DNM3: variants seen among roughly 807,000 people sequenced by gnomAD.
The protein encoded by DNM3 is dynamin 3.
DNM3 carries 47 observed loss-of-function variants against 101.6 expected under a neutral mutation model. That is an observed-to-expected ratio of 0.46 (90% CI 0.37 to 0.59). The LOEUF (loss-of-function observed/expected upper bound fraction) is 0.59. DNM3 is among the 20% of genes least tolerant of loss of function. DNM3 has a pLI of 0.00. For synonymous variants in DNM3, 385 were observed against 387.9 expected (o/e 0.99, Z 0.09); for missense variants, 849 against 1,085.7 (o/e 0.78, Z 3.06).
chr1:171,936,975 T>C (rs1159735522), intron 2 of DNM3, among the ~76,000 whole-genome samples: 2 of 152,186 alleles, frequency 1.3e-5, no homozygotes, highest in Non-Finnish European at 2.9e-5. Flanking sequence ...AGAGATGGAT[T>C]CCTACAACAA....
chr1:172,214,027 T>C (rs2060606752), intron 14 of DNM3, among the ~76,000 whole-genome samples: 1 of 152,144 alleles, frequency 6.6e-6, no homozygotes, highest in Non-Finnish European at 1.5e-5. Context: ...CCTTCCTTCA[T>C]ACTGTGTAAC....
intron 14 of DNM3, among the ~76,000 whole-genome samples, chr1:172,145,431 C>T (rs554385458): frequency 5.6e-4 from 84 of 150,626 alleles, no homozygotes; most frequent in African/African-American, 1.9e-3. Context: ...TCTCTCTCTC[C>T]CTCCTTCTCC....
chr1:171,989,401 A>T (rs1416687267), intron 4 of DNM3, among the ~76,000 whole-genome samples: 1 of 152,000 alleles, frequency 6.6e-6, no homozygotes, highest in South Asian at 2.1e-4. Flanking sequence ...GAATAATGAG[A>T]TCTAAGAAAA....
intron 1 of DNM3, among the ~76,000 whole-genome samples, chr1:171,913,068 T>C (rs1394102552): frequency 6.6e-6 from 1 of 152,248 alleles, no homozygotes; most frequent in Non-Finnish European, 1.5e-5. Context: ...GCATGTTTCC[T>C]GGTGGGGAGA....
intron 2 of DNM3, among the ~76,000 whole-genome samples, chr1:171,943,568 C>T (rs1014431795): frequency 2.0e-5 from 3 of 152,222 alleles, no homozygotes; most frequent in Non-Finnish European, 4.4e-5. Context: ...TAGACAATAA[C>T]TTAACTCTTT....
At chr1:172,406,455 C>T (rs1345859669) in intron 20 of DNM3, among the ~76,000 whole-genome samples, 1 of 151,958 alleles carries the variant, frequency 6.6e-6, no homozygotes, top group African/African-American at 2.4e-5. Flanking sequence ...TACCATGGCT[C>T]ACACCTGTAA....
chr1:172,159,390 A>G (rs1315839268), intron 14 of DNM3, among the ~76,000 whole-genome samples: 2 of 152,064 alleles, frequency 1.3e-5, no homozygotes, highest in African/African-American at 4.8e-5. Context: ...ATTGTCCAAG[A>G]CTGCCGTGGT....
intron 14 of DNM3, among the ~76,000 whole-genome samples, chr1:172,193,652 G>T (rs1018560603): frequency 6.6e-5 from 10 of 152,064 alleles, no homozygotes; most frequent in Admixed American, 4.6e-4. Context: ...TTGCGTAGAG[G>T]TGTTTATGGT....
At chr1:172,315,046 C>A (rs1014309239) in intron 16 of DNM3, among the ~76,000 whole-genome samples, 2 of 152,148 alleles carry the variant, frequency 1.3e-5, no homozygotes, top group African/African-American at 4.8e-5. Flanking sequence ...GACAAAACTT[C>A]CAGAGGAACA....
At chr1:171,952,454 G>A (rs2042590419) in intron 2 of DNM3, among the ~76,000 whole-genome samples, 1 of 152,116 alleles carries the variant, frequency 6.6e-6, no homozygotes, top group South Asian at 2.1e-4. Context: ...TAATGGTAAT[G>A]CTGGTCAGTC....
At chr1:171,860,093 T>C (rs2125038349) in intron 1 of DNM3, among the ~76,000 whole-genome samples, 1 of 152,264 alleles carries the variant, frequency 6.6e-6, no homozygotes, top group East Asian at 1.9e-4. Flanking sequence ...TCAGGTTAGT[T>C]ATGTAATCTG....
At chr1:172,374,914 T>C (rs1327595748) in intron 17 of DNM3, among the ~76,000 whole-genome samples, 1 of 152,088 alleles carries the variant, frequency 6.6e-6, no homozygotes, top group Admixed American at 6.6e-5. Flanking sequence ...GCGTAGACCT[T>C]ATAATCCCTT....
intron 14 of DNM3, among the ~76,000 whole-genome samples, chr1:172,229,473 A>G (rs1423332576): frequency 2.6e-5 from 4 of 152,184 alleles, no homozygotes; most frequent in Non-Finnish European, 5.9e-5. Flanking sequence ...GCACACTCAG[A>G]CAGACACATG....
At chr1:172,226,907 T>C (rs1485496930) in intron 14 of DNM3, among the ~76,000 whole-genome samples, 1 of 152,118 alleles carries the variant, frequency 6.6e-6, no homozygotes. Flanking sequence ...TTAAATTTTT[T>C]AATTTTTTTA....
chr1:172,277,891 T>A (rs2063347717), intron 15 of DNM3, among the ~76,000 whole-genome samples: 1 of 152,078 alleles, frequency 6.6e-6, no homozygotes, highest in South Asian at 2.1e-4. Context: ...ATATTCCTAA[T>A]AGATTACATT....
intron 20 of DNM3, among the ~76,000 whole-genome samples, chr1:172,392,336 T>G (rs758034981): frequency 2.6e-5 from 4 of 152,208 alleles, no homozygotes; most frequent in Non-Finnish European, 4.4e-5. Context: ...CATTTTCTAT[T>G]GCCAGAATAT....
chr1:172,008,132 A>ATT (rs34083893), intron 4 of DNM3, among the ~76,000 whole-genome samples: 3 of 149,990 alleles, frequency 2.0e-5, no homozygotes, highest in African/African-American at 4.9e-5. Context: ...CAGTTTGCAA[A>ATT]TTTTTTTTTT....
At chr1:172,241,214 A>T (rs1013135234) in intron 14 of DNM3, among the ~76,000 whole-genome samples, 1 of 146,160 alleles carries the variant, frequency 6.8e-6, no homozygotes, top group Non-Finnish European at 1.5e-5. Flanking sequence ...CATGGTATTT[A>T]TCATATATAT....
chr1:172,370,674 CTA>C (rs1558054402), intron 17 of DNM3, among the ~76,000 whole-genome samples: 2 of 151,934 alleles, frequency 1.3e-5, no homozygotes, highest in African/African-American at 4.8e-5. Context: ...TAGTATTACT[CTA>C]TTTGAGAGAA....
Sources: gnomAD v4.1 joint callset for allele counts (sites outside exome capture counted in the v4.1 genomes callset) on GRCh38, gnomAD v4.1.1 for gene constraint, MANE v1.5 for transcripts, NCBI Gene and HGNC (gene_info 2026-07-23, HGNC 2026-07-21) for gene names.